The following ATF7 variants were observed in gnomAD, a reference collection of about 807,000 sequenced individuals.
ATF7 encodes the protein cyclic AMP-dependent transcription factor ATF-7.
A neutral mutation model predicts 50.4 loss-of-function variants in ATF7; 10 were observed. That is an observed-to-expected ratio of 0.20 (90% CI 0.12 to 0.34). The LOEUF (loss-of-function observed/expected upper bound fraction) is 0.34. ATF7 is among the 10% of genes least tolerant of loss of function. The probability of loss-of-function intolerance (pLI) is 1.00; values close to 1 mark genes in which losing one functional copy is unlikely to be tolerated. For synonymous variants in ATF7, 201 were observed against 226.4 expected (o/e 0.89, Z 1.01); for missense variants, 465 against 613.9 (o/e 0.76, Z 2.56).
chr12:53,613,375 A>G (rs1943980227), intron 1 of ATF7, among the ~76,000 whole-genome samples: 1 of 152,240 alleles, frequency 6.6e-6, no homozygotes, highest in Admixed American at 6.5e-5. Flanking sequence ...TAAACAAAAT[A>G]GTTATTTATG....
chr12:53,560,392 G>A (rs1377394564), intron 2 of ATF7, among the ~76,000 whole-genome samples: 1 of 151,940 alleles, frequency 6.6e-6, no homozygotes, highest in African/African-American at 2.4e-5. Context: ...GCACTGAACA[G>A]ACCCGAAAAG....
intron 2 of ATF7, among the ~76,000 whole-genome samples, chr12:53,599,254 G>A (rs1005863438): frequency 1.3e-5 from 2 of 151,276 alleles, no homozygotes; most frequent in Non-Finnish European, 2.9e-5. Context: ...TGTCCAGGCT[G>A]GTCTCAAACT....
At chr12:53,617,964 G>A (rs1256660369) in intron 1 of ATF7, among the ~76,000 whole-genome samples, 9 of 151,642 alleles carry the variant, frequency 5.9e-5, no homozygotes. Context: ...TGATTTAACA[G>A]GAACAAAACC....
At chr12:53,550,689 A>C (rs948045868) in intron 3 of ATF7, among the ~76,000 whole-genome samples, 1 of 152,226 alleles carries the variant, frequency 6.6e-6, no homozygotes, top group Admixed American at 6.5e-5. Context: ...CATTGACATA[A>C]AGACTTGAAA....
chr12:53,580,524 C>T (rs1216997157), intron 2 of ATF7, among the ~76,000 whole-genome samples: 4 of 150,594 alleles, frequency 2.7e-5, no homozygotes, highest in Non-Finnish European at 4.4e-5. Context: ...ATTAGCTGGG[C>T]GTGGTGGCGG....
At chr12:53,533,330 A>G in intron 6 of ATF7, 71 bp from the exon 7 acceptor site, 2 of 1,334,248 alleles carry the variant, frequency 1.5e-6, no homozygotes, top group South Asian at 1.2e-5. Flanking sequence ...TTATAATTAC[A>G]GAAGATTTTC....
intron 2 of ATF7, among the ~76,000 whole-genome samples, chr12:53,562,724 T>A (rs1334928097): frequency 6.6e-6 from 1 of 152,114 alleles, no homozygotes; most frequent in Non-Finnish European, 1.5e-5. Flanking sequence ...GTATCTATCT[T>A]AAACACCAGC....
At chr12:53,532,482 A>C (rs1273061596) in intron 8 of ATF7, 28 bp downstream of exon 8, 27 of 1,520,724 alleles carry the variant, frequency 1.8e-5, no homozygotes, top group South Asian at 7.1e-5. Context: ...AGAAAGGCCA[A>C]CATTGCCCCA....
intron 11 of ATF7, among the ~76,000 whole-genome samples, chr12:53,519,929 G>A (rs1008302679): frequency 6.6e-6 from 1 of 151,908 alleles, no homozygotes; most frequent in African/African-American, 2.4e-5. Context: ...TTTATTTTTA[G>A]TAGAGATGGG....
chr12:53,601,561 A>G (rs892344422), intron 1 of ATF7, among the ~76,000 whole-genome samples: 1 of 152,206 alleles, frequency 6.6e-6, no homozygotes, highest in Non-Finnish European at 1.5e-5. Context: ...ATTGGGCTAC[A>G]TGGGAAATGG....
intron 1 of ATF7, among the ~76,000 whole-genome samples, chr12:53,614,723 T>TA: frequency 6.6e-6 from 1 of 152,334 alleles, no homozygotes; most frequent in Non-Finnish European, 1.5e-5. Context: ...TCACCAGTCC[T>TA]AAACATGTAA....
intron 9 of ATF7, 71 bp downstream of exon 9, chr12:53,531,673 G>A (rs1938899635): frequency 7.0e-7 from 1 of 1,430,026 alleles, no homozygotes; most frequent in African/African-American, 1.4e-5. Flanking sequence ...CTAATTTTCT[G>A]CTCCTTGAAC....
At position 53,596,168 on chromosome 12, in the gene ATF7, TG is replaced by T. The variant is rs1211509370; in HGVS notation, c.48+4784del. ...CAAAAAAATTAGCCGGGAGTGGCAGTGGGCGCCTGTAATCCCAGCTACTTGG... is the reference window on the plus strand; with the variant it reads ...CAAAAAAATTAGCCGGGAGTGGCAGTGGCGCCTGTAATCCCAGCTACTTGG... On this transcript the variant is annotated intron_variant, in intron 2 of 11. Coordinates refer to ENST00000420353, the MANE Select transcript of ATF7 (RefSeq NM_006856.3). 5.3e-5 allele frequency among the ~76,000 whole-genome samples: 8 copies of T among 151,964 alleles called. No individual in the cohort carries two copies. In the East Asian group the frequency reaches 1.5e-3, roughly 29 times the overall value.
chr12:53,600,786 G>C, intron 2 of ATF7, 167 bp downstream of exon 2: 1 of 597,122 alleles, frequency 1.7e-6, no homozygotes, highest in Non-Finnish European at 3.0e-6. Context: ...CATTACGGTA[G>C]AGTGCCTACA....
At chr12:53,583,346 C>A (rs1438598044) in intron 2 of ATF7, among the ~76,000 whole-genome samples, 1 of 151,734 alleles carries the variant, frequency 6.6e-6, no homozygotes, top group Non-Finnish European at 1.5e-5. Context: ...AGGTTGTATG[C>A]CCCTTATGAG....
intron 2 of ATF7, among the ~76,000 whole-genome samples, chr12:53,600,447 T>C (rs1943348610): frequency 6.6e-6 from 1 of 152,020 alleles, no homozygotes; most frequent in South Asian, 2.1e-4. Context: ...CTCAAGCCAT[T>C]CTCCTGCCTC....
At chr12:53,543,271 A>G (rs560866974) in intron 4 of ATF7, 59 bp downstream of exon 4, 2 of 1,552,292 alleles carry the variant, frequency 1.3e-6, no homozygotes, top group African/African-American at 1.4e-5. Flanking sequence ...CCCAAAGCAC[A>G]ATAAAAATAG....
intron 9 of ATF7, among the ~76,000 whole-genome samples, chr12:53,529,123 T>C (rs183304604): frequency 2.0e-3 from 302 of 152,182 alleles, no homozygotes; most frequent in Non-Finnish European, 3.4e-3. Context: ...TGCTTTACCA[T>C]GTTCAGGACT....
At chr12:53,543,673 A>G (rs975673301) in intron 3 of ATF7, among the ~76,000 whole-genome samples, 15 of 152,130 alleles carry the variant, frequency 9.9e-5, no homozygotes, top group African/African-American at 3.4e-4. Context: ...AAGACCGAAC[A>G]GTATTTTGTT....
Sources: gnomAD v4.1 joint callset for allele counts (sites outside exome capture counted in the v4.1 genomes callset) on GRCh38, gnomAD v4.1.1 for gene constraint, MANE v1.5 for transcripts, NCBI Gene and HGNC (gene_info 2026-07-23, HGNC 2026-07-21) for gene names.